APP: variants seen among roughly 807,000 people sequenced by gnomAD.
APP encodes the protein amyloid-beta precursor protein.
In APP, 31 loss-of-function variants were observed where a neutral mutation model predicts 101.4. That is an observed-to-expected ratio of 0.31 (90% CI 0.23 to 0.41). The LOEUF is 0.41. APP is among the 10% of genes least tolerant of loss of function. The pLI, the probability that APP is intolerant of heterozygous loss-of-function variation, is 1.00. For missense variants in APP, 839 were observed against 1,003.7 expected (o/e 0.84, Z 2.22); for synonymous variants, 366 against 364.4 (o/e 1.00, Z -0.05).
chr21:25,884,483 T>A (rs2037194824), intron 17 of APP, among the ~76,000 whole-genome samples: 1 of 152,242 alleles, frequency 6.6e-6, no homozygotes, highest in East Asian at 1.9e-4. Flanking sequence ...ACAAATGAGG[T>A]CACCTGGCTT....
At position 25,884,921 on chromosome 21, in the gene APP, G is replaced by A. The variant is rs117401942; in HGVS notation, c.2212-3150C>T. 4.5e-3 allele frequency among the ~76,000 whole-genome samples: 690 copies of A among 152,300 alleles called. 4 individuals are homozygous for A. Among genetic ancestry groups the A allele is most frequent in the African/African-American group, 7.6e-3 (315 of 41,562 alleles). ...TCCTCTTCAAACTCCAAAGCCTAAC[G>A]CTTAAGAGTGCCCTGCTAGAGATGC... On this transcript the variant is annotated intron_variant, in intron 17 of 17. Coordinates refer to ENST00000346798, the MANE Select transcript of APP (RefSeq NM_000484.4).
At chr21:26,113,991 C>T (rs17001714) in intron 1 of APP, among the ~76,000 whole-genome samples, 1 of 152,172 alleles carries the variant, frequency 6.6e-6, no homozygotes, top group Non-Finnish European at 1.5e-5. Context: ...CTAATGGAAT[C>T]GCCATTGTTC....
chr21:26,123,623 A>G (rs890014742), intron 1 of APP, among the ~76,000 whole-genome samples: 1 of 152,210 alleles, frequency 6.6e-6, no homozygotes, highest in Admixed American at 6.5e-5. Flanking sequence ...TTCTATAGGA[A>G]TAAAGGCTAT....
chr21:26,094,341 T>C (rs1423391612), intron 2 of APP, among the ~76,000 whole-genome samples: 2 of 151,994 alleles, frequency 1.3e-5, no homozygotes, highest in Non-Finnish European at 2.9e-5. Context: ...AAACTTCTTC[T>C]GAAGCAGAGC....
chr21:26,043,354 T>TC (rs1378083140), intron 5 of APP, among the ~76,000 whole-genome samples: 1 of 152,114 alleles, frequency 6.6e-6, no homozygotes. Context: ...TCTGGCAGTC[T>TC]CCCCAGTAGC....
intron 6 of APP, among the ~76,000 whole-genome samples, chr21:26,002,531 T>G (rs2146689632): frequency 6.6e-6 from 1 of 152,340 alleles, no homozygotes; most frequent in African/African-American, 2.4e-5. Context: ...TCTTTAACGT[T>G]TCTAAGACAC....
intron 5 of APP, among the ~76,000 whole-genome samples, chr21:26,039,491 T>C (rs2045276843): frequency 6.6e-6 from 1 of 152,258 alleles, no homozygotes; most frequent in South Asian, 2.1e-4. Context: ...GGTGCTATGC[T>C]ATAAAGATTA....
intron 1 of APP, among the ~76,000 whole-genome samples, chr21:26,165,912 C>T (rs188848276): frequency 6.6e-6 from 1 of 152,256 alleles, no homozygotes; most frequent in Admixed American, 6.5e-5. Context: ...CATATCCAGG[C>T]TTTTAAATTT....
At chr21:25,964,849 C>G (rs1345525987) in intron 11 of APP, among the ~76,000 whole-genome samples, 1 of 152,196 alleles carries the variant, frequency 6.6e-6, no homozygotes, top group African/African-American at 2.4e-5. Flanking sequence ...ATCCACCCGC[C>G]TTGGCCTCCC....
intron 13 of APP, among the ~76,000 whole-genome samples, chr21:25,927,939 C>T (rs2039970148): frequency 6.6e-6 from 1 of 152,200 alleles, no homozygotes; most frequent in Non-Finnish European, 1.5e-5. Context: ...TTGTAGGGCT[C>T]CTTTTTCCCG....
intron 5 of APP, among the ~76,000 whole-genome samples, chr21:26,041,124 T>C (rs990202330): frequency 6.6e-6 from 1 of 152,260 alleles, no homozygotes; most frequent in African/African-American, 2.4e-5. Flanking sequence ...CATGGACTTA[T>C]AATTTTGCTG....
At chr21:26,005,066 G>T (rs1441111758) in intron 6 of APP, among the ~76,000 whole-genome samples, 1 of 152,014 alleles carries the variant, frequency 6.6e-6, no homozygotes, top group Non-Finnish European at 1.5e-5. Context: ...TGGACATTTG[G>T]GTTGGTGTCA....
chr21:26,115,555 A>G (rs1343299851), intron 1 of APP, among the ~76,000 whole-genome samples: 1 of 152,098 alleles, frequency 6.6e-6, no homozygotes, highest in Non-Finnish European at 1.5e-5. Context: ...AAGCGCAGCC[A>G]CTCCCTGGCA....
intron 3 of APP, among the ~76,000 whole-genome samples, chr21:26,088,658 T>C (rs923210824): frequency 6.6e-6 from 1 of 152,218 alleles, no homozygotes; most frequent in Non-Finnish European, 1.5e-5. Flanking sequence ...ATGACTTCTA[T>C]ATTTTTTTGA....
chr21:26,151,797 G>A (rs1248179754), intron 1 of APP, among the ~76,000 whole-genome samples: 1 of 152,200 alleles, frequency 6.6e-6, no homozygotes, highest in Non-Finnish European at 1.5e-5. Context: ...CTCACCTACT[G>A]CTGTGCAGCA....
rs917035661 is a variant in APP at position 25,914,692 on chromosome 21, T to C, written c.1688-2730A>G. 2.0e-5 allele frequency among the ~76,000 whole-genome samples: 3 copies of C among 151,880 alleles called. 1 individual carries two copies. The highest frequency in any genetic ancestry group is 4.2e-4 in the South Asian group (2 of 4,802). ...CCTCAGCCTCCCGAGTAGCTGGGAC[T>C]ACAGGCGCCCGCCACCACGCCCGGC... On this transcript the variant is annotated intron_variant, in intron 13 of 17. Transcript: ENST00000346798.
chr21:25,993,796 G>A (rs373448712), intron 8 of APP, among the ~76,000 whole-genome samples: 8 of 152,308 alleles, frequency 5.3e-5, no homozygotes, highest in Admixed American at 2.6e-4. Context: ...GCAATGTCTA[G>A]AGACATTTTT....
At chr21:26,118,823 A>G (rs919987952) in intron 1 of APP, among the ~76,000 whole-genome samples, 1 of 152,042 alleles carries the variant, frequency 6.6e-6, no homozygotes, top group African/African-American at 2.4e-5. Flanking sequence ...TATACGCATG[A>G]GCCACAACGC....
rs573182023 is a variant in APP, at chr21:26,056,362, T to G, written c.356-3014A>C. 5.3e-5 allele frequency among the ~76,000 whole-genome samples: 8 copies of G among 152,128 alleles called. No homozygotes were observed. In the East Asian group the frequency reaches 1.5e-3, roughly 29 times the overall value. The stretch of plus-strand genomic sequence containing the variant: ...CAGTCTGAACATTTTTAATGAGGAG[T>G]TGGTAAACAAGCTTTTCTTAAAAGC... On this transcript the variant is annotated intron_variant, in intron 3 of 17. Transcript: ENST00000346798.
Sources: allele counts gnomAD v4.1 joint callset (sites outside exome capture counted in the v4.1 genomes callset), GRCh38; gene constraint gnomAD v4.1.1; transcripts MANE v1.5; gene names NCBI Gene and HGNC (gene_info 2026-07-23, HGNC 2026-07-21).